The following ZNF438 variants were observed in gnomAD, a reference collection of about 807,000 sequenced individuals.
The protein encoded by ZNF438 is zinc finger protein 438.
Under a neutral mutation model 38.0 loss-of-function variants are expected in ZNF438, and 25 were observed. The observed-to-expected ratio is 0.66, with a 90% confidence interval of 0.48 to 0.92. ZNF438 has a LOEUF of 0.92. ZNF438 is among the 40% of genes least tolerant of loss of function. The probability of loss-of-function intolerance (pLI) is 0.00; values close to 1 mark genes in which losing one functional copy is unlikely to be tolerated. For missense variants in ZNF438, 1,007 were observed against 999.6 expected, an observed-to-expected ratio of 1.01 and a Z score of -0.10; for synonymous variants, 372 against 364.1, an observed-to-expected ratio of 1.02 and a Z score of -0.25.
intron 4 of ZNF438, among the ~76,000 whole-genome samples, chr10:30,856,969 C>G (rs2034745925): frequency 1.3e-5 from 2 of 152,126 alleles, no homozygotes; most frequent in Non-Finnish European, 2.9e-5. Flanking sequence ...AATGCTAGGT[C>G]TTTTAATTAA....
chr10:31,014,013 T>C (rs530947248), intron 1 of ZNF438, among the ~76,000 whole-genome samples: 2 of 152,196 alleles, frequency 1.3e-5, no homozygotes, highest in African/African-American at 2.4e-5. Flanking sequence ...ACTTCTTAAA[T>C]GAAAATTCCC....
intron 2 of ZNF438, among the ~76,000 whole-genome samples, chr10:30,930,171 G>A (rs1589250639): frequency 6.6e-6 from 1 of 150,716 alleles, no homozygotes; most frequent in Non-Finnish European, 1.5e-5. Flanking sequence ...GGGTGGGGGG[G>A]GAGTGCGGGG....
At chr10:30,997,464 A>G (rs2054170801) in intron 1 of ZNF438, among the ~76,000 whole-genome samples, 1 of 152,242 alleles carries the variant, frequency 6.6e-6, no homozygotes, top group Non-Finnish European at 1.5e-5. Flanking sequence ...AAAGTCTTCT[A>G]AGAGGCAGAA....
At chr10:31,020,701 T>G (rs1057457300) in intron 1 of ZNF438, among the ~76,000 whole-genome samples, 13 of 83,672 alleles carry the variant, frequency 1.6e-4, no homozygotes, top group African/African-American at 8.1e-4. Context: ...AAGATAACAG[T>G]GTTTGAATAT....
At chr10:30,961,143 G>A (rs1189705775) in intron 1 of ZNF438, among the ~76,000 whole-genome samples, 6 of 135,208 alleles carry the variant, frequency 4.4e-5, no homozygotes, top group African/African-American at 1.6e-4. Context: ...ATATAAGCCT[G>A]TTTCTTAAAA....
exon 5 of ZNF438, chr10:30,850,238 G>A: frequency 3.7e-6 from 6 of 1,614,134 alleles, no homozygotes; most frequent in Non-Finnish European, 5.1e-6. Flanking sequence ...AGAGCGTGAT[G>A]GTGAATGACA....
chr10:30,969,149 C>A lies in ZNF438; in HGVS notation c.-191-27498G>T, dbSNP rs75687169. On this transcript the variant is annotated intron_variant, in intron 1 of 5. Transcript: ENST00000413025. ...AGAGATGGTTTGCCACAGAGTAAGT[C>A]AAAAAAAATAAAAGAATATGGAGAT... 9.8e-3 allele frequency among the ~76,000 whole-genome samples: 1,459 copies of A among 149,134 alleles called. 20 individuals are homozygous for A. The highest frequency in any genetic ancestry group is 0.033 in the African/African-American group (1,323 of 40,686).
At chr10:30,888,823 T>C (rs1247250383) in intron 3 of ZNF438, among the ~76,000 whole-genome samples, 1 of 152,252 alleles carries the variant, frequency 6.6e-6, no homozygotes, top group African/African-American at 2.4e-5. Flanking sequence ...TGAATAGTGC[T>C]GCAATGAACA....
intron 4 of ZNF438, among the ~76,000 whole-genome samples, chr10:30,858,463 C>T (rs1203420031): frequency 1.3e-5 from 2 of 152,180 alleles, no homozygotes; most frequent in Non-Finnish European, 2.9e-5. Flanking sequence ...TTAGCCATTG[C>T]CTACCCTCTC....
intron 4 of ZNF438, among the ~76,000 whole-genome samples, chr10:30,851,038 A>C (rs2132799024): frequency 6.6e-6 from 1 of 152,302 alleles, no homozygotes; most frequent in Non-Finnish European, 1.5e-5. Flanking sequence ...ACACCTTTCA[A>C]ACTGTTTATG....
intron 1 of ZNF438, among the ~76,000 whole-genome samples, chr10:30,985,287 A>C (rs530040938): frequency 6.6e-6 from 1 of 152,308 alleles, no homozygotes; most frequent in Admixed American, 6.5e-5. Flanking sequence ...GCTTAAAGAC[A>C]CGGATTTAAT....
intron 1 of ZNF438, among the ~76,000 whole-genome samples, chr10:30,972,071 G>A (rs1045467780): frequency 2.6e-5 from 4 of 151,756 alleles, no homozygotes; most frequent in African/African-American, 4.8e-5. Flanking sequence ...CCAGGTTCAC[G>A]CCATTGTCCT....
intron 1 of ZNF438, among the ~76,000 whole-genome samples, chr10:30,982,571 G>T (rs2052335868): frequency 6.6e-6 from 1 of 152,252 alleles, no homozygotes; most frequent in South Asian, 2.1e-4. Flanking sequence ...CAATTATTCT[G>T]CAAGAGTTAT....
At chr10:30,848,451 C>T in intron 5 of ZNF438, 80 bp downstream of exon 6, 12 of 1,495,076 alleles carry the variant, frequency 8.0e-6, no homozygotes, top group Non-Finnish European at 1.1e-5. Context: ...ATAAACTCTC[C>T]TTTCTGAATA....
intron 2 of ZNF438, among the ~76,000 whole-genome samples, chr10:30,933,961 A>G (rs1034106382): frequency 6.6e-6 from 1 of 152,054 alleles, no homozygotes. Flanking sequence ...CCTGGCTAAC[A>G]TGGTGAAACC....
At chr10:30,928,850 C>T (rs2045283621) in intron 2 of ZNF438, among the ~76,000 whole-genome samples, 1 of 152,126 alleles carries the variant, frequency 6.6e-6, no homozygotes. Flanking sequence ...TCAGCTGGTC[C>T]TTTCACAGAC....
intron 3 of ZNF438, among the ~76,000 whole-genome samples, chr10:30,901,717 C>G (rs1237513042): frequency 2.0e-5 from 3 of 147,894 alleles, no homozygotes; most frequent in African/African-American, 7.5e-5. Flanking sequence ...CCTTCGTGGT[C>G]GCCAAAATGT....
chr10:30,991,061 G>C (rs2053434699), intron 1 of ZNF438, among the ~76,000 whole-genome samples: 1 of 152,206 alleles, frequency 6.6e-6, no homozygotes, highest in African/African-American at 2.4e-5. Flanking sequence ...ATCTTGGTAA[G>C]AGCCTGTCAG....
At chr10:30,869,524 G>A (rs1238266947) in intron 4 of ZNF438, among the ~76,000 whole-genome samples, 2 of 151,996 alleles carry the variant, frequency 1.3e-5, no homozygotes, top group Non-Finnish European at 2.9e-5. Flanking sequence ...CTACTTTATG[G>A]TTTTAGGCCA....
Sources: gnomAD v4.1 joint callset for allele counts (sites outside exome capture counted in the v4.1 genomes callset) on GRCh38, gnomAD v4.1.1 for gene constraint, MANE v1.5 for transcripts, NCBI Gene and HGNC (gene_info 2026-07-23, HGNC 2026-07-21) for gene names.